Variants in XPNPEP3 observed in about 807,000 individuals in gnomAD.
XPNPEP3 encodes the protein xaa-Pro aminopeptidase 3.
Under a neutral mutation model 60.0 loss-of-function variants are expected in XPNPEP3, and 41 were observed. The observed-to-expected ratio is 0.68, with a 90% confidence interval of 0.53 to 0.89. XPNPEP3 has a LOEUF of 0.89. Among genes scored for constraint, XPNPEP3 ranks in the 40% least tolerant of loss-of-function variants. The pLI is 0.00. For synonymous variants in XPNPEP3, 212 were observed against 223.2 expected (o/e 0.95, Z 0.45); for missense variants, 598 against 638.9 (o/e 0.94, Z 0.69).
In XPNPEP3 at chr22:40,914,341, G is replaced by A. The variant is rs975553327; in HGVS notation, c.1055+17G>A. On this transcript the variant is annotated intron_variant, in intron 7 of 9. Coordinates refer to ENST00000357137, the MANE Select transcript of XPNPEP3 (RefSeq NM_022098.4). ...CAATGGCAGGTAGGGCTTCTACAGA[G>A]TAACGTATCCCACTGCTTCTTAGGA... The A allele has an allele frequency of 3.7e-6, 6 of 1,603,476 alleles. No individual in the cohort carries two copies. The highest frequency in any genetic ancestry group is 3.4e-6 in the Non-Finnish European group (4 of 1,170,632).
At chr22:40,873,191 G>C (rs1410906660) in intron 2 of XPNPEP3, among the ~76,000 whole-genome samples, 1 of 131,898 alleles carries the variant, frequency 7.6e-6, no homozygotes, top group East Asian at 2.6e-4. Flanking sequence ...TGCAACCTCC[G>C]CCTCCCAGAT....
Position 40,931,761 on chromosome 22 carries a change from T to G in XPNPEP3, c.*5326T>G, listed in dbSNP as rs948178860. The G allele has an allele frequency of 6.6e-6, 1 of 152,126 alleles. No homozygotes were observed. The highest frequency in any genetic ancestry group is 2.4e-5 in the African/African-American group (1 of 41,418). 9.4% of individuals were successfully genotyped at this position (152,126 alleles called of 1,614,324 possible). Reference sequence around the variant, plus strand: ...GAGAACTCTCCTCCTCTCATAATCATAGTATCCACGTTAGGAAAATGCTTC... The same window carrying G: ...GAGAACTCTCCTCCTCTCATAATCAGAGTATCCACGTTAGGAAAATGCTTC... On this transcript the variant is annotated 3_prime_UTR_variant, in exon 10 of 10. Coordinates refer to ENST00000357137, the MANE Select transcript of XPNPEP3 (RefSeq NM_022098.4).
chr22:40,865,205 T>C (rs1001651219), intron 1 of XPNPEP3, among the ~76,000 whole-genome samples: 1 of 152,196 alleles, frequency 6.6e-6, no homozygotes, highest in African/African-American at 2.4e-5. Context: ...ATCTGTCTTC[T>C]GTCTTCTTTA....
chr22:40,877,323 C>T (rs1238137831), intron 2 of XPNPEP3, among the ~76,000 whole-genome samples: 1 of 152,138 alleles, frequency 6.6e-6, no homozygotes, highest in African/African-American at 2.4e-5. Context: ...CGAAAACTAC[C>T]TAATATTAAG....
intron 4 of XPNPEP3, among the ~76,000 whole-genome samples, chr22:40,892,438 G>A (rs1601505498): frequency 2.0e-5 from 3 of 152,230 alleles, no homozygotes; most frequent in South Asian, 4.1e-4. Context: ...GCCCGCCTCG[G>A]CCTCCCAAAG....
At chr22:40,909,413 G>T (rs2058168800) in intron 6 of XPNPEP3, among the ~76,000 whole-genome samples, 178 bp downstream of exon 6, 1 of 152,100 alleles carries the variant, frequency 6.6e-6, no homozygotes, top group Admixed American at 6.6e-5. Flanking sequence ...AATTAACTCT[G>T]TTAGGAGGAA....
chr22:40,919,766 T>G (rs1371354054), intron 7 of XPNPEP3, among the ~76,000 whole-genome samples: 1 of 152,146 alleles, frequency 6.6e-6, no homozygotes, highest in Non-Finnish European at 1.5e-5. Context: ...ACAACCAAAA[T>G]GTCCATCAAC....
At position 40,928,799 on chromosome 22, in the gene XPNPEP3, C is replaced by G. The variant is rs1423688395; in HGVS notation, c.*2364C>G. ...TCTGTAATGCTGGAAGTTTGCCTAT[C>G]TTATCAGGGAAACCCAGGGTACAGA... On this transcript the variant is annotated 3_prime_UTR_variant, in exon 10 of 10. Transcript: ENST00000357137. The G allele has an allele frequency of 6.6e-6, 1 of 152,216 alleles. No homozygotes were observed. The highest frequency in any genetic ancestry group is 2.1e-4 in the South Asian group (1 of 4,834). 9.4% of individuals were successfully genotyped at this position (152,216 alleles called of 1,614,324 possible). A position where few individuals can be genotyped will look rare whatever the true frequency, so the allele number is the denominator to read the frequency against.
chr22:40,925,071 G>A (rs918143342), intron 9 of XPNPEP3, among the ~76,000 whole-genome samples: 1 of 152,066 alleles, frequency 6.6e-6, no homozygotes, highest in Non-Finnish European at 1.5e-5. Flanking sequence ...ATTTAGTAGT[G>A]GGGGGCTGCT....
chr22:40,929,097 C>G lies in XPNPEP3; in HGVS notation c.*2662C>G, dbSNP rs995526269. On this transcript the variant is annotated 3_prime_UTR_variant, in exon 10 of 10. Transcript: ENST00000357137. ...TGCTCACTTCCCAGGCTCTGTGCCCCCAACAGCCCTTTCCTTGGATTGTGT... is the reference window on the plus strand; with the variant it reads ...TGCTCACTTCCCAGGCTCTGTGCCCGCAACAGCCCTTTCCTTGGATTGTGT... 6.6e-6 allele frequency: 1 copy of G among 152,170 alleles called. No homozygotes were observed. The highest frequency in any genetic ancestry group is 1.5e-5 in the Non-Finnish European group (1 of 68,038). The allele number at this position is 152,170 out of a possible 1,614,324, so 9.4% of individuals were successfully genotyped here.
intron 4 of XPNPEP3, among the ~76,000 whole-genome samples, chr22:40,886,931 GA>G (rs1469406089): frequency 1.3e-5 from 2 of 152,070 alleles, no homozygotes; most frequent in Non-Finnish European, 1.5e-5. Context: ...CCTCACCGCA[GA>G]ATGGCATCTA....
rs11090031 is a variant in XPNPEP3 at position 40,924,670 on chromosome 22, C to T, written c.1357+188C>T. On this transcript the variant is annotated intron_variant, in intron 9 of 9. Transcript: ENST00000357137. ...CCTGAGTATCTGGGATTACAGGTGT[C>T]GGCCACCACGCCTGGCTAATTTTTA... is the stretch of plus-strand genomic sequence containing the variant. Among the ~76,000 whole-genome samples the T allele has an allele frequency of 0.019, 2,872 of 152,220 alleles. 84 individuals carry two copies. Among genetic ancestry groups the T allele is most frequent in the African/African-American group, 0.063 (2,629 of 41,510 alleles).
chr22:40,861,300 C>T (rs753155402), intron 1 of XPNPEP3: 1 of 1,614,110 alleles, frequency 6.2e-7, no homozygotes, highest in Admixed American at 1.7e-5. Context: ...TTTTGCAAAG[C>T]CCTCTTCATT....
At chr22:40,906,839 C>T (rs1486447264) in intron 4 of XPNPEP3, among the ~76,000 whole-genome samples, 1 of 152,124 alleles carries the variant, frequency 6.6e-6, no homozygotes, top group Non-Finnish European at 1.5e-5. Context: ...CTGGGAAGTC[C>T]AAGGTCAAGG....
chr22:40,926,961 C>T lies in XPNPEP3; in HGVS notation c.*526C>T, dbSNP rs942150716. On this transcript the variant is annotated 3_prime_UTR_variant, in exon 10 of 10. Transcript: ENST00000357137. ...AACTCCTCCCTACCTATTCTAGATC[C>T]TGCATATCTACTGGAGCCATATGAG... 5.2e-6 allele frequency: 1 copy of T among 191,612 alleles called. No homozygotes were observed. The highest frequency in any genetic ancestry group is 9.0e-5 in the South Asian group (1 of 11,100). The allele number at this position is 191,612 out of a possible 1,614,324, so 11.9% of individuals were successfully genotyped here. A position where few individuals can be genotyped will look rare whatever the true frequency, so the allele number is the denominator to read the frequency against.
chr22:40,869,155 TG>T, intron 2 of XPNPEP3, 40 bp downstream of exon 2: 1 of 1,534,694 alleles, frequency 6.5e-7, no homozygotes, highest in Non-Finnish European at 9.0e-7. Flanking sequence ...ATTTAGGTTC[TG>T]TCTAGAGCAA....
intron 1 of XPNPEP3, among the ~76,000 whole-genome samples, chr22:40,867,482 AATC>A (rs1278555370): frequency 6.6e-6 from 1 of 152,202 alleles, no homozygotes; most frequent in African/African-American, 2.4e-5. Flanking sequence ...TGTTTAGAAA[AATC>A]ATAGCTTCTT....
intron 4 of XPNPEP3, among the ~76,000 whole-genome samples, chr22:40,896,783 G>A (rs759742985): frequency 6.6e-6 from 1 of 151,986 alleles, no homozygotes; most frequent in Non-Finnish European, 1.5e-5. Flanking sequence ...AATAGAAATT[G>A]TACTCAATAA....
chr22:40,867,936 CAA>C (rs538562861), intron 1 of XPNPEP3, among the ~76,000 whole-genome samples: 12 of 73,306 alleles, frequency 1.6e-4, no homozygotes, highest in South Asian at 4.7e-4. Flanking sequence ...AGACCTGTCT[CAA>C]AAAAAAAAAA....
Sources: allele counts gnomAD v4.1 joint callset (sites outside exome capture counted in the v4.1 genomes callset), GRCh38; gene constraint gnomAD v4.1.1; transcripts MANE v1.5; gene names NCBI Gene and HGNC (gene_info 2026-07-23, HGNC 2026-07-21).